The following SLC2A7 variants were observed in gnomAD, a reference collection of about 807,000 sequenced individuals.
The protein encoded by SLC2A7 is solute carrier family 2, facilitated glucose transporter member 7.
In SLC2A7, 50 loss-of-function variants were observed where a neutral mutation model predicts 50.5. The observed-to-expected ratio is 0.99, with a 90% CI of 0.79 to 1.25. The LOEUF (loss-of-function observed/expected upper bound fraction) is 1.25. Among genes scored for constraint, SLC2A7 ranks in the 50% most tolerant of loss-of-function variants. The pLI is 0.00. For missense variants in SLC2A7, 683 were observed against 679.1 expected (o/e 1.01, Z -0.06); for synonymous variants, 308 against 300.4 (o/e 1.03, Z -0.26).
intron 3 of SLC2A7, among the ~76,000 whole-genome samples, chr1:9,022,024 T>G (rs996244803): frequency 6.6e-6 from 1 of 152,220 alleles, no homozygotes; most frequent in African/African-American, 2.4e-5. Context: ...CAGCGCATAA[T>G]GTATGGCAAA....
chr1:9,018,937 T>G (rs912628262), intron 4 of SLC2A7, among the ~76,000 whole-genome samples: 2 of 152,082 alleles, frequency 1.3e-5, no homozygotes, highest in African/African-American at 4.8e-5. Context: ...ATCCCAGGAC[T>G]TTGGGAGGCC....
intron 3 of SLC2A7, among the ~76,000 whole-genome samples, chr1:9,022,400 T>C (rs1640924570): frequency 6.6e-6 from 1 of 152,142 alleles, no homozygotes; most frequent in South Asian, 2.1e-4. Context: ...AGTGAATCTG[T>C]GTAAGCCAAG....
At chr1:8,995,686 A>C in the SLC2A7 span, among the ~76,000 whole-genome samples, 1 of 152,216 alleles carries the variant, frequency 6.6e-6, no homozygotes, top group South Asian at 2.1e-4. Flanking sequence ...CGGAGGTTGC[A>C]GTGAGCTGAG....
Position 9,018,121 on chromosome 1 carries a change from T to C in SLC2A7, c.589+102A>G, listed in dbSNP as rs1407184856. On this transcript the variant is annotated intron_variant, in intron 5 of 11. Coordinates refer to ENST00000400906, the MANE Select transcript of SLC2A7 (RefSeq NM_207420.3). ...CACCACACTGCCCAACACCTGACCCTAAAATCATCTCTCGGGTCTCATCTG... is the reference window on the plus strand; with the variant it reads ...CACCACACTGCCCAACACCTGACCCCAAAATCATCTCTCGGGTCTCATCTG... 2.7e-6 allele frequency: 4 copies of C among 1,505,678 alleles called. No individual in the cohort carries two copies. The African/African-American group carries it at 5.5e-5, about 21-fold the overall frequency. 93.3% of individuals were successfully genotyped at this position (1,505,678 alleles called of 1,614,324 possible).
chr1:9,016,291 T>C (rs1359109102), intron 5 of SLC2A7, among the ~76,000 whole-genome samples: 1 of 152,298 alleles, frequency 6.6e-6, no homozygotes, highest in African/African-American at 2.4e-5. Context: ...GTGCAGAATT[T>C]GGGTCATTCA....
chr1:9,008,362 T>C lies in SLC2A7; in HGVS notation c.1117-977A>G, dbSNP rs1283604494. ...CAGGAGGATTGGGGCCATTCAACAC[T>C]TCAAGCAAAAGCGAGGCTGGCTGGG... On this transcript the variant is annotated intron_variant, in intron 9 of 11. Coordinates refer to ENST00000400906, the MANE Select transcript of SLC2A7 (RefSeq NM_207420.3). This position sits in a 1 kb window ranked among gnomAD's most constrained non-coding sequence, Gnocchi z 5.9. 6.6e-6 allele frequency among the ~76,000 whole-genome samples: 1 copy of C among 152,144 alleles called. No individual in the cohort carries two copies. The highest frequency in any genetic ancestry group is 2.4e-5 in the African/African-American group (1 of 41,426).
At chr1:9,004,135 G>C (rs952430051) in intron 11 of SLC2A7, among the ~76,000 whole-genome samples, 1 of 151,832 alleles carries the variant, frequency 6.6e-6, no homozygotes, top group African/African-American at 2.4e-5. Context: ...TTTGAGACCA[G>C]CCTGGGCAAT....
At chr1:9,000,180 G>A (rs1413059783), downstream of SLC2A7, among the ~76,000 whole-genome samples, 1 of 152,164 alleles carries the variant, frequency 6.6e-6, no homozygotes, top group African/African-American at 2.4e-5. Context: ...AAAGGGGCCA[G>A]GTGCGGGGGC....
chr1:9,010,076 G>A, intron 9 of SLC2A7, 67 bp downstream of exon 9: 12 of 1,460,858 alleles, frequency 8.2e-6, no homozygotes, highest in Non-Finnish European at 1.1e-5. Flanking sequence ...AGCGGGCCCG[G>A]TTCAGTCAGG....
At chr1:9,024,558 G>A (rs1640966164) in intron 2 of SLC2A7, among the ~76,000 whole-genome samples, 2 of 152,186 alleles carry the variant, frequency 1.3e-5, no homozygotes, top group Admixed American at 6.5e-5. Context: ...TGCCCTCAGG[G>A]TCTTCCACAC....
the SLC2A7 span, among the ~76,000 whole-genome samples, chr1:8,997,694 G>A: frequency 1.4e-4 from 21 of 152,100 alleles, no homozygotes; most frequent in Admixed American, 6.6e-4. Context: ...CACGGCGCCC[G>A]GCCAGCTTTG....
In SLC2A7 at chr1:9,009,399, A is replaced by G. The variant is rs1212563248; in HGVS notation, c.1116+744T>C. 5.3e-5 allele frequency among the ~76,000 whole-genome samples: 8 copies of G among 152,294 alleles called. No homozygotes were observed. The East Asian group carries it at 1.5e-3, about 29-fold the overall frequency. ...AGAACACTGCAAATTAAAATGATGTACTTCTTGTTTGGGTGGTCTGCTGTG... is the reference window on the plus strand; with the variant it reads ...AGAACACTGCAAATTAAAATGATGTGCTTCTTGTTTGGGTGGTCTGCTGTG... On this transcript the variant is annotated intron_variant, in intron 9 of 11. Transcript: ENST00000400906.
At chr1:8,995,388 C>T in the SLC2A7 span, among the ~76,000 whole-genome samples, 38 of 150,834 alleles carry the variant, frequency 2.5e-4, no homozygotes, top group African/African-American at 3.4e-4. Flanking sequence ...GCGGAACTTG[C>T]AGTGAACTGA....
intron 3 of SLC2A7, among the ~76,000 whole-genome samples, chr1:9,022,269 G>T (rs1444884378): frequency 2.0e-5 from 3 of 152,218 alleles, no homozygotes; most frequent in Admixed American, 1.3e-4. Context: ...CTAAGGGAAT[G>T]CCACCAGGCC....
At chr1:9,014,257 T>C (rs973799292) in intron 7 of SLC2A7, among the ~76,000 whole-genome samples, 1 of 152,198 alleles carries the variant, frequency 6.6e-6, no homozygotes, top group South Asian at 2.1e-4. Context: ...CATGGTTAGA[T>C]ACAGTTACAG....
In SLC2A7 at chr1:9,013,528, G is replaced by A; in HGVS notation, c.1011C>T (p.Thr337=). 1 of 1,613,166 alleles carries A rather than the reference G, an allele frequency of 6.2e-7. No homozygotes were observed. Among genetic ancestry groups the A allele is most frequent in the Non-Finnish European group, 8.5e-7 (1 of 1,179,734 alleles). ...SGVVNIVMTI[T]SAVLVERLGR... Reference sequence around the variant, plus strand: ...AGGATGCCTCCTGCTCACTCACCGAGGTGATGGTCATCACTATGTTGACGA... The same window carrying A: ...AGGATGCCTCCTGCTCACTCACCGAAGTGATGGTCATCACTATGTTGACGA... The change falls in exon 8 of 12, where the codon ACC becomes ACT. Residue 337 remains threonine (T), a synonymous_variant. Coordinates refer to ENST00000400906, the MANE Select transcript of SLC2A7 (RefSeq NM_207420.3).
rs113930491 is a variant in SLC2A7 at position 9,007,349 on chromosome 1, A to T, written c.1153T>A (p.Cys385Ser). ...VPELSYLGII[C>S]VFAYIAGHSI... ...TGTCCCGCGATGTAGGCAAAGACAC[A>T]GATGATGCCGAGGTAGGACAGCTCG... Residue 385 changes from cysteine (C) to serine (S), a missense_variant, in exon 10 of 12, where the codon TGT (cysteine) becomes AGT (serine). Coordinates refer to ENST00000400906, the MANE Select transcript of SLC2A7 (RefSeq NM_207420.3). 3.9e-5 allele frequency: 63 copies of T among 1,614,224 alleles called. 1 individual carries two copies. In the African/African-American group the frequency reaches 5.3e-4, roughly 14 times the overall value.
At chr1:9,014,923 C>T in intron 6 of SLC2A7, 55 bp from the exon 7 acceptor site, 1 of 1,525,490 alleles carries the variant, frequency 6.6e-7, no homozygotes, top group Non-Finnish European at 8.8e-7. Flanking sequence ...GGCTGGGCCC[C>T]AAGCCCCCAT....
rs892574577 is a variant in SLC2A7, at chr1:9,018,400, G to T, written c.437-25C>A. On this transcript the variant is annotated intron_variant, in intron 4 of 11. Transcript: ENST00000400906. ...CCTGGTTTGGGCACAGCAGAAATCA[G>T]GGCAGGCAAACCGCAAACGCAGAAT... 4 of 1,613,004 alleles carry T rather than the reference G, an allele frequency of 2.5e-6. 1 individual carries two copies. In the Admixed American group the frequency reaches 6.7e-5, roughly 27 times the overall value.
Sources: allele counts gnomAD v4.1 joint callset (sites outside exome capture counted in the v4.1 genomes callset), GRCh38; gene constraint gnomAD v4.1.1; non-coding constraint Gnocchi (gnomAD v3.1); transcripts MANE v1.5; gene names NCBI Gene and HGNC (gene_info 2026-07-23, HGNC 2026-07-21).